Variants in RAPSN observed in about 807,000 individuals in gnomAD.
RAPSN encodes 43 kDa receptor-associated protein of the synapse.
RAPSN carries 33 observed loss-of-function variants against 45.7 expected under a neutral mutation model. The ratio of observed to expected loss-of-function variants is 0.72; its 90% confidence interval spans 0.55 to 0.97. The LOEUF is 0.97. RAPSN is among the 50% of genes least tolerant of loss of function. The probability of loss-of-function intolerance (pLI) is 0.00; values close to 1 mark genes in which losing one functional copy is unlikely to be tolerated. For missense variants in RAPSN, 519 were observed against 559.4 expected (o/e 0.93, Z 0.73); for synonymous variants, 244 against 233.6 (o/e 1.04, Z -0.40).
intron 6 of RAPSN, 73 bp downstream of exon 6, chr11:47,441,086 A>C: frequency 6.3e-7 from 1 of 1,578,052 alleles, no homozygotes. Context: ...AGGCTCAGGA[A>C]GGCCCTTCCC....
intron 2 of RAPSN, among the ~76,000 whole-genome samples, chr11:47,445,461 T>C (rs2076398099): frequency 6.6e-6 from 1 of 151,078 alleles, no homozygotes; most frequent in Non-Finnish European, 1.5e-5. Flanking sequence ...CTGGGCATAG[T>C]GGCGTGTGCC....
At position 47,449,123 on chromosome 11, in the gene RAPSN, G is replaced by A. The variant is rs1219770702; in HGVS notation, c.-159C>T. The A allele has an allele frequency of 1.7e-5, 14 of 835,684 alleles. No individual in the cohort carries two copies. The highest frequency in any genetic ancestry group is 1.3e-4 in the South Asian group (9 of 68,218). The allele number at this position is 835,684 out of a possible 1,614,324, so 51.8% of individuals were successfully genotyped here. On this transcript the variant is annotated 5_prime_UTR_variant, in exon 1 of 8. Coordinates refer to ENST00000298854, the MANE Select transcript of RAPSN (RefSeq NM_005055.5). ...AATGGGGCCTGGATGGAGAGCAGGC[G>A]CCACCCTGGGAACAAAGCTGGTTCA...
chr11:47,439,580 G>A (rs1431162723), intron 6 of RAPSN, among the ~76,000 whole-genome samples: 1 of 151,944 alleles, frequency 6.6e-6, no homozygotes, highest in Non-Finnish European at 1.5e-5. Flanking sequence ...AAACCAGAGT[G>A]GCTATAATCC....
At position 47,441,634 on chromosome 11, in the gene RAPSN, C is replaced by T. The variant is rs369570812; in HGVS notation, c.889G>A (p.Val297Met). 6.7e-5 allele frequency: 107 copies of T among 1,608,316 alleles called. No homozygotes were observed. The highest frequency in any genetic ancestry group is 8.3e-5 in the Non-Finnish European group (98 of 1,179,722). ...QALLGVAKCW[V>M]ARKALDKALD... ...ACCTTGTCCAGCGCCTTCCTGGCCA[C>T]CCAGCACTTGGCCACACCCAGCAGC... Residue 297 changes from valine to methionine, a missense_variant, in exon 5 of 8, where the codon GTG (valine) becomes ATG (methionine). Coordinates refer to ENST00000298854, the MANE Select transcript of RAPSN (RefSeq NM_005055.5).
At position 47,439,805 on chromosome 11, in the gene RAPSN, C is replaced by T. The variant is rs192529592; in HGVS notation, c.967-874G>A. On this transcript the variant is annotated intron_variant, in intron 6 of 7. Coordinates refer to ENST00000298854, the MANE Select transcript of RAPSN (RefSeq NM_005055.5). ...TTGGTTCATGGCAACCTCCACCTCC[C>T]GGGTTCAAGTGATTCTCCTGCCTCA... 8.6e-5 allele frequency among the ~76,000 whole-genome samples: 13 copies of T among 151,346 alleles called. No individual in the cohort carries two copies. In the East Asian group the frequency reaches 2.2e-3, roughly 25 times the overall value.
chr11:47,439,919 G>A (rs2076350195), intron 6 of RAPSN, among the ~76,000 whole-genome samples: 1 of 151,994 alleles, frequency 6.6e-6, no homozygotes, highest in African/African-American at 2.4e-5. Flanking sequence ...CACCATGTTG[G>A]TCAGGCTGAT....
chr11:47,449,066 T>A lies in RAPSN; in HGVS notation c.-102A>T. On this transcript the variant is annotated 5_prime_UTR_variant, in exon 1 of 8. Transcript: ENST00000298854. The stretch of plus-strand genomic sequence containing the variant: ...ACAGTGCCAGCTGCCCCCCGAAACG[T>A]GGGAACAAAAGCAGCGTCGGGTGGG... 1 of 1,449,508 alleles carries A rather than the reference T, an allele frequency of 6.9e-7. No individual in the cohort carries two copies. Among genetic ancestry groups the A allele is most frequent in the Non-Finnish European group, 9.6e-7 (1 of 1,037,040 alleles). The allele number at this position is 1,449,508 out of a possible 1,614,324, so 89.8% of individuals were successfully genotyped here. A position where few individuals can be genotyped will look rare whatever the true frequency, so the allele number is the denominator to read the frequency against.
intron 6 of RAPSN, among the ~76,000 whole-genome samples, chr11:47,440,693 A>G (rs1438639778): frequency 6.6e-6 from 1 of 152,242 alleles, no homozygotes; most frequent in Non-Finnish European, 1.5e-5. Context: ...GGTTGCAGTA[A>G]GCTGGGATCG....
chr11:47,441,018 A>G, intron 6 of RAPSN, 141 bp downstream of exon 6: 1 of 1,003,938 alleles, frequency 1.0e-6, no homozygotes, highest in Non-Finnish European at 1.6e-6. Context: ...AGAAAGAGCC[A>G]GAGTATGGGG....
At chr11:47,438,687 G>A (rs113205822) in intron 7 of RAPSN, 45 bp downstream of exon 7, 48 of 1,549,648 alleles carry the variant, frequency 3.1e-5, no homozygotes, top group Middle Eastern at 3.3e-4. Context: ...AGAGTGCCCC[G>A]AAGAGATCCT....
intron 7 of RAPSN, 53 bp downstream of exon 7, chr11:47,438,679 A>G (rs2076334438): frequency 1.3e-6 from 2 of 1,545,846 alleles, no homozygotes; most frequent in South Asian, 1.2e-5. Flanking sequence ...TGGGCCCTAG[A>G]GTGCCCCGAA....
intron 2 of RAPSN, among the ~76,000 whole-genome samples, chr11:47,443,931 C>CAAAAAAAAAAAAAAAAA (rs1161231934): frequency 4.4e-3 from 61 of 13,972 alleles, no homozygotes; most frequent in Non-Finnish European, 5.7e-3. Context: ...CTCTGTCTCA[C>CAAAAAAAAAAAAAAAAA]AAAAAAAAAA....
intron 2 of RAPSN, among the ~76,000 whole-genome samples, chr11:47,443,670 C>T (rs549228908): frequency 1.7e-4 from 26 of 152,106 alleles, no homozygotes; most frequent in African/African-American, 4.3e-4. Context: ...CAGTGGTTCA[C>T]GCCTGGAATC....
chr11:47,441,766 G>GT (rs756827331), intron 4 of RAPSN, 33 bp from the exon 5 acceptor site: 1 of 1,603,436 alleles, frequency 6.2e-7, no homozygotes, highest in Admixed American at 1.7e-5. Flanking sequence ...GAATCAGGCT[G>GT]TATCAGGCCT....
At chr11:47,444,009 C>T (rs1487731258) in intron 2 of RAPSN, among the ~76,000 whole-genome samples, 2 of 150,522 alleles carry the variant, frequency 1.3e-5, no homozygotes, top group African/African-American at 4.9e-5. Flanking sequence ...CCCACCTTCT[C>T]GTGACGTCAT....
chr11:47,443,748 C>T (rs1460255744), intron 2 of RAPSN, among the ~76,000 whole-genome samples: 2 of 151,714 alleles, frequency 1.3e-5, no homozygotes, highest in Non-Finnish European at 2.9e-5. Context: ...GCCTGGGCAA[C>T]TTAGTGAGAC....
Position 47,441,150 on chromosome 11 carries a change from A to G in RAPSN, c.966+9T>C. 1 of 1,613,982 alleles carries G rather than the reference A, an allele frequency of 6.2e-7. No individual in the cohort carries two copies. Among genetic ancestry groups the G allele is most frequent in the Non-Finnish European group, 8.5e-7 (1 of 1,179,970 alleles). ...GACCCCAGATCCAGGACACAGAATCAAGTCTGACCTTGTTCCCCACCTCCT... is the reference window on the plus strand; with the variant it reads ...GACCCCAGATCCAGGACACAGAATCGAGTCTGACCTTGTTCCCCACCTCCT... On this transcript the variant is annotated intron_variant, in intron 6 of 7. Coordinates refer to ENST00000298854, the MANE Select transcript of RAPSN (RefSeq NM_005055.5).
intron 2 of RAPSN, among the ~76,000 whole-genome samples, chr11:47,444,573 C>G (rs2076389862): frequency 6.6e-6 from 1 of 151,156 alleles, no homozygotes; most frequent in African/African-American, 2.4e-5. Context: ...AAACAAAAAC[C>G]TAAGGCTGGG....
Position 47,441,660 on chromosome 11 carries a change from G to T in RAPSN, c.863C>A (p.Ala288Glu). 1 of 1,609,594 alleles carries T rather than the reference G, an allele frequency of 6.2e-7. No homozygotes were observed. Residue 288 changes from alanine to glutamate, a missense_variant, in exon 5 of 8, where the codon GCG (alanine) becomes GAG (glutamate). Ala to Glu is a moderately radical substitution (Grantham distance 107). Coordinates refer to ENST00000298854, the MANE Select transcript of RAPSN (RefSeq NM_005055.5). ...CCAGCACTTGGCCACACCCAGCAGC[G>T]CCTGCACCTGCCCCAGGCGGTTTCC... ...EIGNRLGQVQ[A>E]LLGVAKCWVA...
Sources: gnomAD v4.1 joint callset for allele counts (sites outside exome capture counted in the v4.1 genomes callset) on GRCh38, gnomAD v4.1.1 for gene constraint, MANE v1.5 for transcripts, NCBI Gene and HGNC (gene_info 2026-07-23, HGNC 2026-07-21) for gene names.